ARHGAP22: variants seen among roughly 807,000 people sequenced by gnomAD.
The protein encoded by ARHGAP22 is rho GTPase-activating protein 22.
In ARHGAP22, 48 loss-of-function variants were observed where a neutral mutation model predicts 59.1. The observed-to-expected ratio is 0.81, with a 90% CI of 0.64 to 1.03. The LOEUF (loss-of-function observed/expected upper bound fraction) is 1.03. Ranked by LOEUF, ARHGAP22 falls within the 50% of genes least tolerant of loss-of-function variation. The pLI is 0.00. For synonymous variants in ARHGAP22, 445 were observed against 416.4 expected (o/e 1.07, Z -0.84); for missense variants, 1,015 against 958.7 (o/e 1.06, Z -0.78).
intron 4 of ARHGAP22, among the ~76,000 whole-genome samples, 190 bp from the exon 5 acceptor site, chr10:48,460,081 C>T (rs546688218): frequency 1.0e-3 from 154 of 152,314 alleles, no homozygotes; most frequent in African/African-American, 3.6e-3. Flanking sequence ...AGGATGCACA[C>T]CAGGAGGCTG....
intron 2 of ARHGAP22, 55 bp from the exon 3 acceptor site, chr10:48,555,605 G>C (rs2057250973): frequency 6.4e-7 from 1 of 1,556,570 alleles, no homozygotes; most frequent in Non-Finnish European, 8.9e-7. Context: ...GGAGGGGACT[G>C]CTGTCGTCAG....
intron 1 of ARHGAP22, among the ~76,000 whole-genome samples, chr10:48,643,820 C>G (rs2062171486): frequency 6.6e-6 from 1 of 150,656 alleles, no homozygotes; most frequent in African/African-American, 2.4e-5. Context: ...TGGAACTGGT[C>G]ATGTTAATAT....
At chr10:48,653,532 A>G (rs2377616), upstream of ARHGAP22, among the ~76,000 whole-genome samples, 1 of 152,150 alleles carries the variant, frequency 6.6e-6, no homozygotes, top group African/African-American at 2.4e-5. Flanking sequence ...ACGGGGCCAA[A>G]CTGAGCCTCT....
At chr10:48,502,131 G>A (rs2134385258) in intron 3 of ARHGAP22, among the ~76,000 whole-genome samples, 1 of 152,290 alleles carries the variant, frequency 6.6e-6, no homozygotes, top group South Asian at 2.1e-4. Flanking sequence ...TCCTCCAAAT[G>A]GTTTCAGCTC....
intron 2 of ARHGAP22, among the ~76,000 whole-genome samples, chr10:48,572,516 G>A (rs1006650764): frequency 5.3e-5 from 8 of 152,200 alleles, no homozygotes; most frequent in African/African-American, 1.9e-4. Flanking sequence ...GCTGTATAGG[G>A]CCTGCCTGCA....
intron 1 of ARHGAP22, among the ~76,000 whole-genome samples, chr10:48,586,005 A>C (rs1424092537): frequency 6.6e-6 from 1 of 151,988 alleles, no homozygotes; most frequent in Non-Finnish European, 1.5e-5. Context: ...GCTTCACCTT[A>C]TCTGTGTTTC....
At chr10:48,530,506 T>A (rs1477237459) in intron 3 of ARHGAP22, among the ~76,000 whole-genome samples, 1 of 152,214 alleles carries the variant, frequency 6.6e-6, no homozygotes, top group Non-Finnish European at 1.5e-5. Flanking sequence ...AGAAAATCTT[T>A]GTGATCTTTA....
intron 4 of ARHGAP22, among the ~76,000 whole-genome samples, chr10:48,470,134 C>T (rs1470493361): frequency 6.6e-6 from 1 of 152,220 alleles, no homozygotes. Flanking sequence ...TTTTCTGGTT[C>T]TGTGATCTGA....
chr10:48,468,452 C>G (rs1024981964), intron 4 of ARHGAP22, among the ~76,000 whole-genome samples: 2 of 152,158 alleles, frequency 1.3e-5, no homozygotes, highest in South Asian at 4.1e-4. Flanking sequence ...GAAGCCGCAG[C>G]CAAGGCCTTG....
At chr10:48,473,619 G>A (rs1011712459) in intron 4 of ARHGAP22, among the ~76,000 whole-genome samples, 4 of 152,064 alleles carry the variant, frequency 2.6e-5, no homozygotes, top group African/African-American at 9.7e-5. Context: ...TGACAATCCT[G>A]CAAAAAAGAT....
chr10:48,512,099 A>G (rs1481623706), intron 3 of ARHGAP22, among the ~76,000 whole-genome samples: 2 of 152,352 alleles, frequency 1.3e-5, no homozygotes, highest in Non-Finnish European at 2.9e-5. Context: ...CACAATGGGG[A>G]AGTTTGTATC....
Position 48,450,674 on chromosome 10 carries a change from G to A in ARHGAP22, c.1455C>T (p.Ser485=), listed in dbSNP as rs577930019. 1.4e-5 allele frequency: 21 copies of A among 1,550,670 alleles called. No individual in the cohort carries two copies. In the Admixed American group the frequency reaches 2.2e-4, roughly 16 times the overall value. ...SSGDRLKDSG[S]VQRLSTYDNV... ...TGTCGTAGGTGGAGAGTCTCTGCAC[G>A]GAGCCCGAGTCCTTGAGCCGGTCTC... Residue 485 remains serine, a synonymous_variant, in exon 9 of 10, where the codon TCC becomes TCT. Coordinates refer to ENST00000249601, the MANE Select transcript of ARHGAP22 (RefSeq NM_021226.4).
At chr10:48,637,336 T>C (rs1263225590) in intron 1 of ARHGAP22, among the ~76,000 whole-genome samples, 2 of 152,074 alleles carry the variant, frequency 1.3e-5, no homozygotes, top group Non-Finnish European at 2.9e-5. Context: ...GGGACACAGG[T>C]ATACAGATGG....
At chr10:48,599,849 GTGCGTACC>G (rs1008247772) in intron 1 of ARHGAP22, among the ~76,000 whole-genome samples, 1 of 152,206 alleles carries the variant, frequency 6.6e-6, no homozygotes, top group African/African-American at 2.4e-5. Context: ...TGATGGCATT[GTGCGTACC>G]TGCCATGGAG....
At chr10:48,587,693 T>A (rs1174630817) in intron 1 of ARHGAP22, among the ~76,000 whole-genome samples, 2 of 152,234 alleles carry the variant, frequency 1.3e-5, no homozygotes, top group Non-Finnish European at 2.9e-5. Context: ...GGGTCTTTAG[T>A]GGGGACTGAA....
chr10:48,481,618 A>C (rs1330904120), intron 3 of ARHGAP22, among the ~76,000 whole-genome samples: 1 of 152,128 alleles, frequency 6.6e-6, no homozygotes, highest in Non-Finnish European at 1.5e-5. Context: ...TCCTGCCCCA[A>C]CGTGCTCTCA....
rs988009795 is a variant in ARHGAP22 at position 48,446,164 on chromosome 10, G to C, written c.*227C>G. 1.7e-6 allele frequency: 1 copy of C among 585,564 alleles called. No homozygotes were observed. Among genetic ancestry groups the C allele is most frequent in the Non-Finnish European group, 3.0e-6 (1 of 330,984 alleles). The allele number at this position is 585,564 out of a possible 1,614,324, so 36.3% of individuals were successfully genotyped here. ...AGGGCTAAGCGCTACTCTTGGTACC[G>C]TCCCCTTCTGACCCTCACCAGGAAC... On this transcript the variant is annotated 3_prime_UTR_variant, in exon 10 of 10. Transcript: ENST00000249601.
In ARHGAP22 at chr10:48,539,290, C is replaced by CTTTTTTTTTTTTTTTTTT. The variant is rs553835954; in HGVS notation, c.322+16172_322+16173insAAAAAAAAAAAAAAAAAA. On this transcript the variant is annotated intron_variant, in intron 3 of 9. Transcript: ENST00000249601. The stretch of plus-strand genomic sequence containing the variant: ...CTAACAATTAGTATGAGAAGGGTAA[C>CTTTTTTTTTTTTTTTTTT]ATTTTTTTTTTTTTTTTTTGAGACG... Among the ~76,000 whole-genome samples, 5 of 129,308 alleles carry CTTTTTTTTTTTTTTTTTT rather than the reference C, an allele frequency of 3.9e-5. 1 individual carries two copies. The highest frequency in any genetic ancestry group is 9.4e-5 in the African/African-American group (3 of 31,956). 84.8% of individuals were successfully genotyped at this position (129,308 alleles called of 152,430 possible).
chr10:48,561,177 A>C (rs2057663944), intron 2 of ARHGAP22, among the ~76,000 whole-genome samples: 1 of 152,178 alleles, frequency 6.6e-6, no homozygotes, highest in African/African-American at 2.4e-5. Flanking sequence ...GAATAGACCC[A>C]CATATACCTC....
Sources: allele counts gnomAD v4.1 joint callset (sites outside exome capture counted in the v4.1 genomes callset), GRCh38; gene constraint gnomAD v4.1.1; transcripts MANE v1.5; gene names NCBI Gene and HGNC (gene_info 2026-07-23, HGNC 2026-07-21).